The following PHF14 variants were observed in gnomAD, a reference collection of about 807,000 sequenced individuals.
The protein encoded by PHF14 is PHD finger protein 14.
PHF14 carries 55 observed loss-of-function variants against 117.9 expected under a neutral mutation model. The ratio of observed to expected loss-of-function variants is 0.47; its 90% confidence interval spans 0.38 to 0.58. The LOEUF (loss-of-function observed/expected upper bound fraction) is 0.58. Ranked by LOEUF, PHF14 falls within the 20% of genes least tolerant of loss-of-function variation. The pLI, the probability that PHF14 is intolerant of heterozygous loss-of-function variation, is 0.00. For synonymous variants in PHF14, 409 were observed against 368.6 expected (o/e 1.11, Z -1.26); for missense variants, 978 against 1,122.2 (o/e 0.87, Z 1.84).
At chr7:11,006,481 G>C (rs1783102669) in intron 4 of PHF14, 2 of 544,486 alleles carry the variant, frequency 3.7e-6, no homozygotes, top group African/African-American at 3.8e-5. Context: ...TTCTCCATCA[G>C]GCCGAATTAG....
chr7:11,147,939 A>G (rs536659767), intron 17 of PHF14, among the ~76,000 whole-genome samples: 1 of 152,126 alleles, frequency 6.6e-6, no homozygotes, highest in South Asian at 2.1e-4. Context: ...TGGTTTCTTG[A>G]TTCTTCTCTA....
intron 4 of PHF14, among the ~76,000 whole-genome samples, chr7:10,994,737 G>A (rs1333791858): frequency 3.9e-5 from 6 of 152,088 alleles, no homozygotes; most frequent in Non-Finnish European, 7.4e-5. Flanking sequence ...GGATGTGTTC[G>A]GAGTTTCTTC....
chr7:11,146,954 C>A (rs1007138487), intron 17 of PHF14, among the ~76,000 whole-genome samples: 43 of 152,268 alleles, frequency 2.8e-4, no homozygotes, highest in African/African-American at 9.4e-4. Context: ...TCAAGCAACT[C>A]TCCCTTCTCA....
intron 17 of PHF14, among the ~76,000 whole-genome samples, chr7:11,167,238 C>T (rs1022373896): frequency 6.6e-6 from 1 of 152,160 alleles, no homozygotes; most frequent in African/African-American, 2.4e-5. Context: ...GTAGACTGTC[C>T]GTGTGATAAA....
rs116892920 is a variant in PHF14, at chr7:11,063,835, T to G, written c.2654+1750T>G. 1,568 of 259,568 alleles carry G rather than the reference T, an allele frequency of 6.0e-3. 10 individuals are homozygous for G. Among genetic ancestry groups the G allele is most frequent in the Non-Finnish European group, 8.7e-3 (1,451 of 166,342 alleles). 16.1% of individuals were successfully genotyped at this position (259,568 alleles called of 1,614,324 possible). On this transcript the variant is annotated intron_variant, in intron 16 of 17. Transcript: ENST00000634607. ...TTTGAATAGTATTACTCTATGTTAT[T>G]TATTTCTTTAGTTTCTGTTATGAAA...
At chr7:11,053,859 C>G (rs894784447) in intron 14 of PHF14, among the ~76,000 whole-genome samples, 1 of 151,596 alleles carries the variant, frequency 6.6e-6, no homozygotes, top group African/African-American at 2.4e-5. Flanking sequence ...AATCCCATTC[C>G]TTTCATCTTG....
chr7:11,085,544 GTTTT>G (rs1196099437), intron 16 of PHF14, among the ~76,000 whole-genome samples: 9 of 152,098 alleles, frequency 5.9e-5, no homozygotes, highest in Non-Finnish European at 1.3e-4. Context: ...AAATTTAATC[GTTTT>G]TTAATTTTCT....
rs376549304 is a variant in PHF14, at chr7:11,046,241, G to A, written c.2312+3427G>A. On this transcript the variant is annotated intron_variant, in intron 13 of 17. Coordinates refer to ENST00000634607, the MANE Select transcript of PHF14 (RefSeq NM_001007157.2). Reference sequence around the variant, plus strand: ...CTTAAATTCTAAGACACATTTGGTAGGATACAAATGGTAAGGGCTTGATTT... The same window carrying A: ...CTTAAATTCTAAGACACATTTGGTAAGATACAAATGGTAAGGGCTTGATTT... Among the ~76,000 whole-genome samples, 7 of 152,242 alleles carry A rather than the reference G, an allele frequency of 4.6e-5. No homozygotes were observed. In the East Asian group the frequency reaches 1.3e-3, roughly 29 times the overall value.
chr7:11,076,427 A>T (rs974215143), intron 16 of PHF14, among the ~76,000 whole-genome samples: 2 of 151,794 alleles, frequency 1.3e-5, no homozygotes, highest in East Asian at 1.9e-4. Flanking sequence ...ATTTAATATT[A>T]TTTTTTTAAA....
At chr7:11,053,284 G>C (rs1329472813) in intron 14 of PHF14, among the ~76,000 whole-genome samples, 1 of 152,002 alleles carries the variant, frequency 6.6e-6, no homozygotes, top group Non-Finnish European at 1.5e-5. Context: ...GTGTTATGGG[G>C]TCATATAAAA....
chr7:11,145,323 G>T (rs1788515625), intron 17 of PHF14, among the ~76,000 whole-genome samples: 1 of 151,726 alleles, frequency 6.6e-6, no homozygotes, highest in Non-Finnish European at 1.5e-5. Flanking sequence ...GGCCATTTCA[G>T]TGAGGCTCTA....
chr7:11,164,534 T>C (rs1221452719), intron 17 of PHF14, among the ~76,000 whole-genome samples: 1 of 152,226 alleles, frequency 6.6e-6, no homozygotes, highest in Non-Finnish European at 1.5e-5. Flanking sequence ...TTTGTTTTCT[T>C]ATAAAATCTG....
chr7:11,115,558 G>C (rs781732406), intron 17 of PHF14, among the ~76,000 whole-genome samples: 14 of 151,836 alleles, frequency 9.2e-5, no homozygotes, highest in Non-Finnish European at 2.1e-4. Context: ...TCATACCTCT[G>C]CTTGAAATCT....
intron 16 of PHF14, chr7:11,063,085 T>C: frequency 1.1e-6 from 1 of 904,526 alleles, no homozygotes; most frequent in Non-Finnish European, 1.3e-6. Flanking sequence ...TCTTAATTTC[T>C]CAAAGAAAGG....
chr7:11,147,166 A>T (rs1414498690), intron 17 of PHF14, among the ~76,000 whole-genome samples: 1 of 152,126 alleles, frequency 6.6e-6, no homozygotes, highest in Non-Finnish European at 1.5e-5. Flanking sequence ...ATTCAAAGTG[A>T]AAGCTGAGAA....
At chr7:11,084,915 G>T (rs539162697) in intron 16 of PHF14, among the ~76,000 whole-genome samples, 1 of 152,036 alleles carries the variant, frequency 6.6e-6, no homozygotes, top group South Asian at 2.1e-4. Context: ...TATCTTTGGA[G>T]ATTTTTTTTT....
At chr7:11,046,082 C>T (rs1260763546) in intron 13 of PHF14, among the ~76,000 whole-genome samples, 1 of 152,060 alleles carries the variant, frequency 6.6e-6, no homozygotes, top group Non-Finnish European at 1.5e-5. Context: ...AATAGAGAGG[C>T]TAGTGATGGT....
intron 16 of PHF14, chr7:11,106,803 A>G (rs1787280460): frequency 1.0e-6 from 1 of 984,548 alleles, no homozygotes; most frequent in Non-Finnish European, 1.2e-6. Context: ...CCAACCCATC[A>G]GTTCTCTGGA....
intron 17 of PHF14, among the ~76,000 whole-genome samples, chr7:11,136,944 T>C (rs936467218): frequency 2.1e-4 from 32 of 152,268 alleles, no homozygotes; most frequent in African/African-American, 7.7e-4. Flanking sequence ...TATGTAAAGA[T>C]AAAAAATATT....
Sources: allele counts gnomAD v4.1 joint callset (sites outside exome capture counted in the v4.1 genomes callset), GRCh38; gene constraint gnomAD v4.1.1; transcripts MANE v1.5; gene names NCBI Gene and HGNC (gene_info 2026-07-23, HGNC 2026-07-21).